The following GARIN5A variants were observed in gnomAD, a reference collection of about 807,000 sequenced individuals.
GARIN5A encodes Golgi-associated RAB2 interactor protein 5A.
chr19:50,471,988 GTA>G, the GARIN5A span, among the ~76,000 whole-genome samples: 1,994 of 147,436 alleles, frequency 0.014, 41 homozygotes, highest in African/African-American at 0.05. Context: ...GTGTGTATAT[GTA>G]TATATACGTG....
chr19:50,476,285 T>A, the GARIN5A span: 1 of 1,605,522 alleles, frequency 6.2e-7, no homozygotes, highest in Non-Finnish European at 8.5e-7. Flanking sequence ...GACGTCATGA[T>A]GCGGAGCGGG....
the GARIN5A span, among the ~76,000 whole-genome samples, chr19:50,470,433 A>T: frequency 6.6e-6 from 1 of 151,784 alleles, no homozygotes; most frequent in Admixed American, 6.6e-5. Context: ...GAATTTCTTG[A>T]ACCTGGGAGG....
the GARIN5A span, among the ~76,000 whole-genome samples, chr19:50,468,721 G>A: frequency 5.9e-5 from 9 of 152,064 alleles, no homozygotes; most frequent in South Asian, 2.1e-4. Flanking sequence ...CTCTTGCCTC[G>A]GCCTCCAGAG....
At chr19:50,476,581 C>T in the GARIN5A span, 13 of 1,575,282 alleles carry the variant, frequency 8.3e-6, no homozygotes, top group Admixed American at 5.3e-5. Context: ...CCGGCTGCTC[C>T]TGCTCTTGCT....
chr19:50,471,857 T>C, the GARIN5A span, among the ~76,000 whole-genome samples: 118 of 150,528 alleles, frequency 7.8e-4, 2 homozygotes, highest in Admixed American at 1.3e-3. Flanking sequence ...TACGCATACA[T>C]ACATGTGTAT....
chr19:50,467,258 CTGTG>C, the GARIN5A span, among the ~76,000 whole-genome samples: 5 of 152,008 alleles, frequency 3.3e-5, no homozygotes, highest in Non-Finnish European at 7.4e-5. Context: ...GTGTGGGTGG[CTGTG>C]TGTGTTCCCA....
At chr19:50,476,215 C>G in the GARIN5A span, 2 of 1,613,686 alleles carry the variant, frequency 1.2e-6, no homozygotes, top group Non-Finnish European at 1.7e-6. Flanking sequence ...TGTCCCCGTC[C>G]GACGGGAGCG....
At chr19:50,466,871 TC>T in the GARIN5A span, 1 of 152,690 alleles carries the variant, frequency 6.5e-6, no homozygotes, top group African/African-American at 2.4e-5. This position sits in a 1 kb window ranked among gnomAD's most constrained non-coding sequence, Gnocchi z 4.9. Flanking sequence ...CTCTGGTCAT[TC>T]GGTGACCTTG....
the GARIN5A span, chr19:50,467,406 CCT>C: frequency 1.7e-6 from 1 of 587,454 alleles, no homozygotes; most frequent in Non-Finnish European, 3.0e-6. Context: ...GCCCCTCCTC[CCT>C]CAGACCCAGG....
the GARIN5A span, chr19:50,467,424 AGGACCCCAGCCC>A: frequency 4.8e-6 from 3 of 626,990 alleles, no homozygotes; most frequent in South Asian, 2.0e-5. Context: ...CCAGGAGTCC[AGGACCCCAGCCC>A]TCATCTCCCT....
chr19:50,475,966 T>C, the GARIN5A span: 1 of 1,607,092 alleles, frequency 6.2e-7, no homozygotes, highest in Non-Finnish European at 8.5e-7. Context: ...CAGGACGAAG[T>C]CTGGGGGTCG....
the GARIN5A span, among the ~76,000 whole-genome samples, chr19:50,474,949 C>G: frequency 6.6e-6 from 1 of 152,158 alleles, no homozygotes; most frequent in Admixed American, 6.5e-5. Flanking sequence ...GCTCCCGGCT[C>G]TCTGAGCCTC....
At chr19:50,475,378 G>C in the GARIN5A span, 2 of 1,610,438 alleles carry the variant, frequency 1.2e-6, no homozygotes, top group African/African-American at 2.7e-5. Context: ...GAAGCAATAG[G>C]TCCGGGAGCT....
chr19:50,476,777 A>G, the GARIN5A span: 1 of 661,930 alleles, frequency 1.5e-6, no homozygotes. Flanking sequence ...GAGGTGGGAG[A>G]TCCCTGGAAA....
the GARIN5A span, chr19:50,475,723 G>T: frequency 1.2e-6 from 1 of 811,884 alleles, no homozygotes. Context: ...GGAGTTGGGA[G>T]TCGGGAATCC....
the GARIN5A span, chr19:50,476,121 C>T: frequency 1.2e-6 from 2 of 1,612,928 alleles, no homozygotes; most frequent in Non-Finnish European, 1.7e-6. Flanking sequence ...CCTGGCTCCC[C>T]TCTCTCACCT....
At chr19:50,475,762 G>T in the GARIN5A span, 1 of 1,121,922 alleles carries the variant, frequency 8.9e-7, no homozygotes, top group Non-Finnish European at 1.4e-6. Context: ...GGGGAGCAGG[G>T]GCTTTCCAAG....
At chr19:50,473,562 G>A in the GARIN5A span, among the ~76,000 whole-genome samples, 1 of 152,072 alleles carries the variant, frequency 6.6e-6, no homozygotes, top group Non-Finnish European at 1.5e-5. Flanking sequence ...GTCTTGCTAT[G>A]TTGCCCAGGC....
chr19:50,470,121 A>G, the GARIN5A span, among the ~76,000 whole-genome samples: 1 of 152,222 alleles, frequency 6.6e-6, no homozygotes, highest in Non-Finnish European at 1.5e-5. Context: ...GTCTGAGGGC[A>G]GGCATTTGTT....
Sources: gnomAD v4.1 joint callset for allele counts (sites outside exome capture counted in the v4.1 genomes callset) on GRCh38, gnomAD v4.1.1 for gene constraint, Gnocchi (gnomAD v3.1) non-coding constraint, MANE v1.5 for transcripts, NCBI Gene and HGNC (gene_info 2026-07-23, HGNC 2026-07-21) for gene names.